The following SNAPC3 variants were observed in gnomAD, a reference collection of about 807,000 sequenced individuals.
SNAPC3 encodes the protein snRNA-activating protein complex subunit 3.
SNAPC3 carries 56 observed loss-of-function variants against 47.7 expected under a neutral mutation model. That is an observed-to-expected ratio of 1.18 (90% CI 0.95 to 1.47). SNAPC3 has a LOEUF of 1.47. SNAPC3 is among the 40% of genes most tolerant of loss of function. The pLI is 0.00. For missense variants in SNAPC3, 665 were observed against 511.3 expected (o/e 1.30, Z -2.90); for synonymous variants, 235 against 189.9 (o/e 1.24, Z -1.95).
At chr9:15,433,957 T>A in intron 3 of SNAPC3, 1 of 190,392 alleles carries the variant, frequency 5.3e-6, no homozygotes, top group South Asian at 1.5e-4. Context: ...TTAACCACAT[T>A]CTCAATCCTC....
chr9:15,466,641 G>C, downstream of SNAPC3: 2 of 793,242 alleles, frequency 2.5e-6, no homozygotes, highest in African/African-American at 1.8e-5. Context: ...GGAATTGGGT[G>C]ATCAAAAGAT....
At chr9:15,443,295 T>C (rs1207927531) in intron 3 of SNAPC3, among the ~76,000 whole-genome samples, 2 of 152,238 alleles carry the variant, frequency 1.3e-5, no homozygotes, top group Admixed American at 1.3e-4. Flanking sequence ...ATTGACACTT[T>C]GACTAGTAAT....
At chr9:15,426,207 C>T (rs1235770592) in intron 2 of SNAPC3, among the ~76,000 whole-genome samples, 2 of 152,172 alleles carry the variant, frequency 1.3e-5, no homozygotes, top group Admixed American at 1.3e-4. Context: ...AGCCACACTG[C>T]ACTGTGTTTC....
At chr9:15,437,524 C>A (rs981394707) in intron 3 of SNAPC3, among the ~76,000 whole-genome samples, 10 of 152,130 alleles carry the variant, frequency 6.6e-5, no homozygotes, top group African/African-American at 2.4e-4. Flanking sequence ...TGAGCCACCG[C>A]ACCCGGCCCT....
At chr9:15,452,732 T>C (rs1022165410) in intron 6 of SNAPC3, among the ~76,000 whole-genome samples, 2 of 152,248 alleles carry the variant, frequency 1.3e-5, no homozygotes, top group African/African-American at 4.8e-5. Context: ...ATTTGAAATA[T>C]TAATCTCATT....
Position 15,460,270 on chromosome 9 carries a change from T to G in SNAPC3, c.*404T>G, listed in dbSNP as rs1398502822. The G allele has an allele frequency of 6.5e-6, 1 of 153,368 alleles. No individual in the cohort carries two copies. The highest frequency in any genetic ancestry group is 1.5e-5 in the Non-Finnish European group (1 of 68,892). The allele number at this position is 153,368 out of a possible 1,614,324, so 9.5% of individuals were successfully genotyped here. A position where few individuals can be genotyped will look rare whatever the true frequency, so the allele number is the denominator to read the frequency against. ...GTAGTGGAAGTGTTTTGAAAATTCTTTGAAGAATGTGAGAGCTACACCTTC... is the reference window on the plus strand; with the variant it reads ...GTAGTGGAAGTGTTTTGAAAATTCTGTGAAGAATGTGAGAGCTACACCTTC... On this transcript the variant is annotated 3_prime_UTR_variant, in exon 9 of 9. Transcript: ENST00000380821.
At chr9:15,451,657 A>C (rs1231978160) in intron 6 of SNAPC3, among the ~76,000 whole-genome samples, 1 of 152,108 alleles carries the variant, frequency 6.6e-6, no homozygotes, top group Non-Finnish European at 1.5e-5. Flanking sequence ...CTCGCCTGTG[A>C]ATACCCACTG....
At chr9:15,452,355 G>C (rs2034453089) in intron 6 of SNAPC3, among the ~76,000 whole-genome samples, 4 of 133,840 alleles carry the variant, frequency 3.0e-5, no homozygotes, top group Admixed American at 2.5e-4. Context: ...TTTCGCTCTT[G>C]TTGCCCAGGC....
At chr9:15,465,606 C>A (rs766998099), downstream of SNAPC3, 6 of 1,523,806 alleles carry the variant, frequency 3.9e-6, no homozygotes, top group African/African-American at 1.4e-5. Context: ...AAAGGTACAA[C>A]TGGAATTAGG....
chr9:15,431,970 T>C (rs2032220219), intron 2 of SNAPC3: 1 of 99,608 alleles, frequency 1.0e-5, no homozygotes, highest in South Asian at 3.2e-4. Flanking sequence ...AAATATATTG[T>C]TCCGATTTTT....
At chr9:15,431,804 C>G (rs896535865) in intron 2 of SNAPC3, 2 of 150,724 alleles carry the variant, frequency 1.3e-5, no homozygotes, top group African/African-American at 4.9e-5. Flanking sequence ...AAAAATAAGG[C>G]TAGTTGTATT....
At chr9:15,433,714 G>A in intron 3 of SNAPC3, 78 bp downstream of exon 3, 1 of 886,814 alleles carries the variant, frequency 1.1e-6, no homozygotes, top group Non-Finnish European at 1.8e-6. Context: ...AGTAATGACA[G>A]TATGGTAGCT....
chr9:15,427,884 G>A (rs1033760171), intron 2 of SNAPC3, among the ~76,000 whole-genome samples: 1 of 152,018 alleles, frequency 6.6e-6, no homozygotes, highest in Non-Finnish European at 1.5e-5. Context: ...CTTAAACAGG[G>A]TGGAGTGCTT....
At chr9:15,444,495 C>G (rs1400984139) in intron 3 of SNAPC3, 107 bp from the exon 4 acceptor site, 3 of 665,550 alleles carry the variant, frequency 4.5e-6, no homozygotes, top group Non-Finnish European at 7.9e-6. Flanking sequence ...AATTAGGTGT[C>G]AAACCCAAGG....
Position 15,453,169 on chromosome 9 carries a change from G to C in SNAPC3, c.944G>C (p.Gly315Ala). The change falls in exon 7 of 9, where the codon GGA becomes GCA. Residue 315 changes from glycine to alanine, a missense_variant. By Grantham distance (60) the Gly-to-Ala change is moderately conservative. Coordinates refer to ENST00000380821, the MANE Select transcript of SNAPC3 (RefSeq NM_001039697.2). The stretch of plus-strand genomic sequence containing the variant: ...TTTCCTTACTTATACTGTCATCAGG[G>C]AGACTGTGAACATGTCATTGTCATT... ...LGFPYLYCHQ[G>A]DCEHVIVITD... 3 of 1,613,094 alleles carry C rather than the reference G, an allele frequency of 1.9e-6. No individual in the cohort carries two copies. In the South Asian group the frequency reaches 3.3e-5, roughly 18 times the overall value.
At chr9:15,423,772 G>T (rs2030931938) in intron 1 of SNAPC3, 137 bp from the exon 2 acceptor site, 1 of 466,930 alleles carries the variant, frequency 2.1e-6, no homozygotes, top group South Asian at 4.6e-5. Context: ...GTTGTCTTAA[G>T]TTCTGGCCTC....
Position 15,459,975 on chromosome 9 carries a change from C to A in SNAPC3, c.*109C>A, listed in dbSNP as rs979901492. 3.5e-6 allele frequency: 3 copies of A among 866,660 alleles called. No individual in the cohort carries two copies. Among genetic ancestry groups the A allele is most frequent in the Non-Finnish European group, 5.1e-6 (3 of 593,782 alleles). 53.7% of individuals were successfully genotyped at this position (866,660 alleles called of 1,614,324 possible). On this transcript the variant is annotated 3_prime_UTR_variant, in exon 9 of 9. Coordinates refer to ENST00000380821, the MANE Select transcript of SNAPC3 (RefSeq NM_001039697.2). Reference sequence around the variant, plus strand: ...GGAACAGGATCCACTTTGAACAGTCCGCTAAAGCTATCAAAAAAAAGTCCA... The same window carrying A: ...GGAACAGGATCCACTTTGAACAGTCAGCTAAAGCTATCAAAAAAAAGTCCA...
intron 1 of SNAPC3, among the ~76,000 whole-genome samples, chr9:15,423,623 G>A (rs1433592952): frequency 6.6e-6 from 1 of 152,132 alleles, no homozygotes; most frequent in African/African-American, 2.4e-5. Flanking sequence ...GACCTTCCGG[G>A]TATTCTGTTA....
intron 3 of SNAPC3, among the ~76,000 whole-genome samples, chr9:15,438,527 A>T (rs2033032685): frequency 1.3e-5 from 2 of 151,898 alleles, no homozygotes; most frequent in African/African-American, 4.8e-5. Flanking sequence ...GTTTATTCTT[A>T]ATTCCTTATC....
Sources: gnomAD v4.1 joint callset for allele counts (sites outside exome capture counted in the v4.1 genomes callset) on GRCh38, gnomAD v4.1.1 for gene constraint, MANE v1.5 for transcripts, NCBI Gene and HGNC (gene_info 2026-07-23, HGNC 2026-07-21) for gene names.